Variants in PDCD1LG2 observed in about 807,000 individuals in gnomAD.
PDCD1LG2 encodes programmed cell death 1 ligand 2.
Under a neutral mutation model 28.2 loss-of-function variants are expected in PDCD1LG2, and 32 were observed. That is an observed-to-expected ratio of 1.13 (90% CI 0.86 to 1.52). The LOEUF (loss-of-function observed/expected upper bound fraction) is 1.52, where lower values mean the gene tolerates loss of function less well. Among genes scored for constraint, PDCD1LG2 ranks in the 40% most tolerant of loss-of-function variants. The probability of loss-of-function intolerance (pLI) is 0.00; values close to 1 mark genes in which losing one functional copy is unlikely to be tolerated. For missense variants in PDCD1LG2, 385 were observed against 323.8 expected (o/e 1.19, Z -1.45); for synonymous variants, 116 against 120.2 (o/e 0.97, Z 0.23).
intron 2 of PDCD1LG2, among the ~76,000 whole-genome samples, chr9:5,532,149 G>T (rs1181413257): frequency 1.3e-5 from 2 of 152,162 alleles, no homozygotes; most frequent in Non-Finnish European, 2.9e-5. Context: ...TTATTCCAGG[G>T]TCTTTGCAAC....
chr9:5,525,617 A>G (rs542300663), intron 2 of PDCD1LG2, among the ~76,000 whole-genome samples: 1 of 152,142 alleles, frequency 6.6e-6, no homozygotes, highest in Admixed American at 6.5e-5. Flanking sequence ...AACTACATCT[A>G]TGAATCTTAG....
chr9:5,516,899 G>A (rs1820176674), intron 1 of PDCD1LG2, among the ~76,000 whole-genome samples: 1 of 152,188 alleles, frequency 6.6e-6, no homozygotes, highest in Non-Finnish European at 1.5e-5. Flanking sequence ...TGAGAGTACA[G>A]AGATGCCTGG....
rs2129979251 is a variant in PDCD1LG2 at position 5,570,984 on chromosome 9, G to A, written c.*1025G>A. 1 of 232,718 alleles carries A rather than the reference G, an allele frequency of 4.3e-6. No individual in the cohort carries two copies. The allele number at this position is 232,718 out of a possible 1,614,324, so 14.4% of individuals were successfully genotyped here. ...GAAGGGTAACTCGGCTACAGTAACA[G>A]CTTAATTTTGTTAAATTTGTTCTTT... On this transcript the variant is annotated 3_prime_UTR_variant, in exon 7 of 7. Transcript: ENST00000397747.
chr9:5,513,607 TA>T (rs1457212901), intron 1 of PDCD1LG2, among the ~76,000 whole-genome samples: 1 of 152,352 alleles, frequency 6.6e-6, no homozygotes, highest in East Asian at 1.9e-4. Context: ...GTTTATTGCT[TA>T]AAAAATTGAG....
At chr9:5,563,853 C>G (rs1022489036) in intron 6 of PDCD1LG2, among the ~76,000 whole-genome samples, 2 of 152,146 alleles carry the variant, frequency 1.3e-5, no homozygotes, top group Non-Finnish European at 2.9e-5. Flanking sequence ...TCTGGGAAAC[C>G]TCAGTTTTTT....
At chr9:5,526,419 T>C (rs1258795913) in intron 2 of PDCD1LG2, among the ~76,000 whole-genome samples, 3 of 152,164 alleles carry the variant, frequency 2.0e-5, no homozygotes, top group South Asian at 4.1e-4. Context: ...ATATGCCCTT[T>C]ATTTTTACCT....
intron 1 of PDCD1LG2, among the ~76,000 whole-genome samples, chr9:5,515,657 G>C (rs1248963729): frequency 2.0e-5 from 3 of 152,136 alleles, no homozygotes; most frequent in African/African-American, 7.2e-5. Flanking sequence ...AGGCACAGTG[G>C]CTCACGCCTG....
intron 6 of PDCD1LG2, among the ~76,000 whole-genome samples, chr9:5,563,435 G>A (rs959294449): frequency 1.3e-5 from 2 of 152,154 alleles, no homozygotes; most frequent in Admixed American, 6.5e-5. Context: ...AGATGATACT[G>A]CACTGGACCT....
chr9:5,554,537 C>T (rs1816398353), intron 4 of PDCD1LG2, among the ~76,000 whole-genome samples: 1 of 152,258 alleles, frequency 6.6e-6, no homozygotes, highest in East Asian at 1.9e-4. Context: ...AACACGGAAA[C>T]GAAGAGTATG....
At chr9:5,566,189 T>A (rs920387857) in intron 6 of PDCD1LG2, among the ~76,000 whole-genome samples, 1 of 152,240 alleles carries the variant, frequency 6.6e-6, no homozygotes, top group African/African-American at 2.4e-5. Context: ...AGCCTGGACA[T>A]GTCCCTTGCA....
At chr9:5,548,866 A>T (rs1298292778) in intron 3 of PDCD1LG2, among the ~76,000 whole-genome samples, 4 of 152,252 alleles carry the variant, frequency 2.6e-5, no homozygotes, top group African/African-American at 9.6e-5. Flanking sequence ...TTTGGAAAAA[A>T]TACCAAATAA....
chr9:5,557,218 G>GAAAAAGAGA (rs2129917220), intron 4 of PDCD1LG2, among the ~76,000 whole-genome samples: 1 of 151,584 alleles, frequency 6.6e-6, no homozygotes, highest in African/African-American at 2.4e-5. Flanking sequence ...GGATAGGGAG[G>GAAAAAGAGA]AAAAAGAGAA....
intron 3 of PDCD1LG2, among the ~76,000 whole-genome samples, chr9:5,546,248 A>G (rs1816203697): frequency 6.6e-6 from 1 of 152,056 alleles, no homozygotes; most frequent in African/African-American, 2.4e-5. Flanking sequence ...GGACACCAAG[A>G]TCAGTTTCTT....
chr9:5,514,204 C>T (rs1454125866), intron 1 of PDCD1LG2, among the ~76,000 whole-genome samples: 2 of 152,170 alleles, frequency 1.3e-5, no homozygotes, highest in Non-Finnish European at 2.9e-5. Context: ...CCAGAGAATT[C>T]CATAAAAGCA....
At chr9:5,534,159 G>A (rs1392210708) in intron 2 of PDCD1LG2, among the ~76,000 whole-genome samples, 5 of 152,068 alleles carry the variant, frequency 3.3e-5, no homozygotes, top group African/African-American at 1.2e-4. Context: ...TCAGTGAGAC[G>A]ATGTGTTAGC....
intron 1 of PDCD1LG2, among the ~76,000 whole-genome samples, chr9:5,512,063 T>C (rs773540917): frequency 6.6e-6 from 1 of 152,184 alleles, no homozygotes; most frequent in Non-Finnish European, 1.5e-5. Flanking sequence ...AAAAAGGAGA[T>C]GGTAGAGACA....
chr9:5,551,960 T>C (rs901232562), intron 4 of PDCD1LG2, among the ~76,000 whole-genome samples: 1 of 152,216 alleles, frequency 6.6e-6, no homozygotes, highest in African/African-American at 2.4e-5. Flanking sequence ...CAAGCCACAG[T>C]TGATATTTGT....
Position 5,569,361 on chromosome 9 carries a change from C to G in PDCD1LG2, c.817-593C>G, listed in dbSNP as rs1374491090. 6.6e-6 allele frequency among the ~76,000 whole-genome samples: 1 copy of G among 152,128 alleles called. No individual in the cohort carries two copies. Among genetic ancestry groups the G allele is most frequent in the African/African-American group, 2.4e-5 (1 of 41,422 alleles). On this transcript the variant is annotated intron_variant, in intron 6 of 6. Coordinates refer to ENST00000397747, the MANE Select transcript of PDCD1LG2 (RefSeq NM_025239.4). The surrounding 1 kb of genome is among the most constrained non-coding windows in gnomAD (Gnocchi z 4.1). ...AGGGGAGGGAGCAGTTCCCAGAACCCTAGTAAAAATGGCAATGAGAAAGGT... is the reference window on the plus strand; with the variant it reads ...AGGGGAGGGAGCAGTTCCCAGAACCGTAGTAAAAATGGCAATGAGAAAGGT...
At chr9:5,544,248 C>A (rs1682061476) in intron 3 of PDCD1LG2, among the ~76,000 whole-genome samples, 1 of 152,126 alleles carries the variant, frequency 6.6e-6, no homozygotes, top group Non-Finnish European at 1.5e-5. Context: ...AACAGGGAAG[C>A]AATTCAGAAA....
Sources: gnomAD v4.1 joint callset for allele counts (sites outside exome capture counted in the v4.1 genomes callset) on GRCh38, gnomAD v4.1.1 for gene constraint, Gnocchi (gnomAD v3.1) non-coding constraint, MANE v1.5 for transcripts, NCBI Gene and HGNC (gene_info 2026-07-23, HGNC 2026-07-21) for gene names.